The following PYGB variants were observed in gnomAD, a reference collection of about 807,000 sequenced individuals.
PYGB encodes glycogen phosphorylase B.
A neutral mutation model predicts 94.3 loss-of-function variants in PYGB; 82 were observed. The ratio of observed to expected loss-of-function variants is 0.87; its 90% confidence interval spans 0.73 to 1.04. The LOEUF (loss-of-function observed/expected upper bound fraction) is 1.04. PYGB is among the 50% of genes least tolerant of loss of function. PYGB has a pLI of 0.00. For missense variants in PYGB, 1,132 were observed against 1,158.2 expected (o/e 0.98, Z 0.33); for synonymous variants, 488 against 479.1 (o/e 1.02, Z -0.24).
chr20:25,253,410 G>C (rs2092893895), intron 1 of PYGB, among the ~76,000 whole-genome samples: 1 of 152,126 alleles, frequency 6.6e-6, no homozygotes, highest in Non-Finnish European at 1.5e-5. Context: ...CCAGCACTTT[G>C]GGAGGCTGAG....
chr20:25,295,592 CT>C lies in PYGB; in HGVS notation c.2313-11del. On this transcript the variant is annotated splice_polypyrimidine_tract_variant and intron_variant, in intron 18 of 19. Transcript: ENST00000216962. Reference sequence around the variant, plus strand: ...CTGCTGCCCTGGCCCAGCCTCCTTTCTCCCATTCCAGGTTCAAGGTGTTTGC... The same window carrying C: ...CTGCTGCCCTGGCCCAGCCTCCTTTCCCCATTCCAGGTTCAAGGTGTTTGC... 1 of 1,613,148 alleles carries C rather than the reference CT, an allele frequency of 6.2e-7. No individual in the cohort carries two copies. Among genetic ancestry groups the C allele is most frequent in the Non-Finnish European group, 8.5e-7 (1 of 1,179,302 alleles).
chr20:25,258,777 G>T (rs73904039), intron 1 of PYGB, among the ~76,000 whole-genome samples: 1 of 152,266 alleles, frequency 6.6e-6, no homozygotes, highest in African/African-American at 2.4e-5. Flanking sequence ...GGTGCTTCAC[G>T]TGGGTGCTAG....
chr20:25,257,870 G>A (rs1207155563), intron 1 of PYGB, among the ~76,000 whole-genome samples: 4 of 152,290 alleles, frequency 2.6e-5, no homozygotes, highest in Non-Finnish European at 5.9e-5. Context: ...CTGCCAGAGG[G>A]GGGAGGCAGG....
intron 11 of PYGB, 71 bp from the exon 12 acceptor site, chr20:25,281,962 C>A: frequency 2.2e-6 from 3 of 1,334,452 alleles, no homozygotes; most frequent in Middle Eastern, 1.9e-4. Flanking sequence ...CTTAAAAGGA[C>A]TTTAAGGTCT....
intron 16 of PYGB, 61 bp downstream of exon 16, chr20:25,290,683 C>CT: frequency 6.3e-7 from 1 of 1,577,422 alleles, no homozygotes; most frequent in Non-Finnish European, 8.7e-7. Flanking sequence ...GGGCGTTGTA[C>CT]TGGCCCCGGG....
At chr20:25,291,193 T>G (rs1356955527) in intron 16 of PYGB, among the ~76,000 whole-genome samples, 1 of 152,214 alleles carries the variant, frequency 6.6e-6, no homozygotes, top group African/African-American at 2.4e-5. Context: ...TGGCAGCACC[T>G]GCCTCATCTG....
chr20:25,296,840 G>C lies in PYGB; in HGVS notation c.*318G>C, dbSNP rs200376699. The C allele has an allele frequency of 1.1e-5, 4 of 351,808 alleles. No individual in the cohort carries two copies. Among genetic ancestry groups the C allele is most frequent in the Non-Finnish European group, 5.2e-6 (1 of 190,700 alleles). The allele number at this position is 351,808 out of a possible 1,614,324, so 21.8% of individuals were successfully genotyped here. A position where few individuals can be genotyped will look rare whatever the true frequency, so the allele number is the denominator to read the frequency against. On this transcript the variant is annotated 3_prime_UTR_variant, in exon 20 of 20. Transcript: ENST00000216962. ...ACCTGCTGGGCTCCCCCAGAACTTTGCACACATCTTGCTATGTATTAGCCG... is the reference window on the plus strand; with the variant it reads ...ACCTGCTGGGCTCCCCCAGAACTTTCCACACATCTTGCTATGTATTAGCCG...
At position 25,271,905 on chromosome 20, in the gene PYGB, G is replaced by C. The variant is rs548623229; in HGVS notation, c.528+419G>C. Among the ~76,000 whole-genome samples, 11 of 152,366 alleles carry C rather than the reference G, an allele frequency of 7.2e-5. No homozygotes were observed. The East Asian group carries it at 2.1e-3, about 29-fold the overall frequency. Reference sequence around the variant, plus strand: ...TTGGCCCTAAGTAGTTAGAAGAGCAGTTGTAGCTTTTGCTCCCACCTTCTC... The same window carrying C: ...TTGGCCCTAAGTAGTTAGAAGAGCACTTGTAGCTTTTGCTCCCACCTTCTC... On this transcript the variant is annotated intron_variant, in intron 4 of 19. Coordinates refer to ENST00000216962, the MANE Select transcript of PYGB (RefSeq NM_002862.4).
Position 25,296,661 on chromosome 20 carries a change from T to A in PYGB, c.*139T>A, listed in dbSNP as rs985813650. 4.2e-6 allele frequency: 5 copies of A among 1,191,570 alleles called. No homozygotes were observed. The Admixed American group carries it at 1.3e-4, about 32-fold the overall frequency. The allele number at this position is 1,191,570 out of a possible 1,614,324, so 73.8% of individuals were successfully genotyped here. A position where few individuals can be genotyped will look rare whatever the true frequency, so the allele number is the denominator to read the frequency against. ...ATGTTTCCAGGAGGGGCCATGGGGG[T>A]CAGGGTGGTTTTGAGAGAGCAGGGT... On this transcript the variant is annotated 3_prime_UTR_variant, in exon 20 of 20. Coordinates refer to ENST00000216962, the MANE Select transcript of PYGB (RefSeq NM_002862.4).
intron 4 of PYGB, among the ~76,000 whole-genome samples, chr20:25,272,754 C>T (rs1184336141): frequency 2.0e-5 from 3 of 152,228 alleles, no homozygotes; most frequent in Non-Finnish European, 4.4e-5. Flanking sequence ...CAGCCCTCCG[C>T]GTGCCTGAGC....
rs573543990 is a variant in PYGB at position 25,297,460 on chromosome 20, T to G, written c.*938T>G. The G allele has an allele frequency of 2.0e-5, 3 of 152,558 alleles. No homozygotes were observed. The highest frequency in any genetic ancestry group is 7.2e-5 in the African/African-American group (3 of 41,584). The allele number at this position is 152,558 out of a possible 1,614,324, so 9.5% of individuals were successfully genotyped here. On this transcript the variant is annotated 3_prime_UTR_variant, in exon 20 of 20. Transcript: ENST00000216962. The stretch of plus-strand genomic sequence containing the variant: ...GTGTCCTGAGGTGCATTTCCTGTTG[T>G]ACACACAAGGGCCAGGCTCCATTCT...
intron 1 of PYGB, among the ~76,000 whole-genome samples, chr20:25,257,542 A>G (rs1208851622): frequency 6.6e-6 from 1 of 152,112 alleles, no homozygotes; most frequent in Non-Finnish European, 1.5e-5. Context: ...AAAAATCCAC[A>G]TTTTAGCCAG....
intron 17 of PYGB, 25 bp from the exon 18 acceptor site, chr20:25,294,133 T>A: frequency 6.2e-7 from 1 of 1,611,514 alleles, no homozygotes; most frequent in South Asian, 1.1e-5. Flanking sequence ...CGCTGGCTGC[T>A]GACTCCTGGC....
intron 6 of PYGB, 35 bp downstream of exon 6, chr20:25,276,792 T>C (rs1189625489): frequency 1.9e-6 from 3 of 1,583,264 alleles, no homozygotes; most frequent in Non-Finnish European, 1.7e-6. Context: ...CTTGTGTCCA[T>C]GTGGGTGGCT....
At chr20:25,250,486 AGT>A (rs1192385525) in intron 1 of PYGB, among the ~76,000 whole-genome samples, 3 of 152,238 alleles carry the variant, frequency 2.0e-5, no homozygotes, top group African/African-American at 2.4e-5. Flanking sequence ...TAGATCTCAC[AGT>A]GTGTAAATAA....
At chr20:25,253,163 C>G (rs1326354314) in intron 1 of PYGB, among the ~76,000 whole-genome samples, 1 of 152,200 alleles carries the variant, frequency 6.6e-6, no homozygotes, top group Non-Finnish European at 1.5e-5. Flanking sequence ...CAGAACAAAC[C>G]CTGCCACCAG....
At chr20:25,248,474 C>T in intron 1 of PYGB, 53 bp downstream of exon 1, 6 of 1,301,726 alleles carry the variant, frequency 4.6e-6, no homozygotes, top group Non-Finnish European at 5.9e-6. Flanking sequence ...GGCGCCGGTC[C>T]CGGAGCCGCG....
At chr20:25,281,552 T>C (rs965573345) in intron 11 of PYGB, among the ~76,000 whole-genome samples, 3 of 152,272 alleles carry the variant, frequency 2.0e-5, no homozygotes, top group African/African-American at 7.2e-5. Flanking sequence ...TAGCATGTGC[T>C]GAGCACCTAC....
At chr20:25,259,070 G>C (rs1315897233) in intron 1 of PYGB, among the ~76,000 whole-genome samples, 167 bp from the exon 2 acceptor site, 1 of 152,236 alleles carries the variant, frequency 6.6e-6, no homozygotes, top group Non-Finnish European at 1.5e-5. Context: ...GCTTTTGGGG[G>C]CTGCGGTCAG....
Sources: gnomAD v4.1 joint callset for allele counts (sites outside exome capture counted in the v4.1 genomes callset) on GRCh38, gnomAD v4.1.1 for gene constraint, MANE v1.5 for transcripts, NCBI Gene and HGNC (gene_info 2026-07-23, HGNC 2026-07-21) for gene names.